NUP62CL: variants seen among roughly 807,000 people sequenced by gnomAD.
The protein encoded by NUP62CL is nucleoporin 62 C-terminal like.
A neutral mutation model predicts 15.3 loss-of-function variants in NUP62CL; 13 were observed. The ratio of observed to expected loss-of-function variants is 0.85; its 90% CI spans 0.55 to 1.35. The LOEUF is 1.35. NUP62CL is among the 40% of genes most tolerant of loss of function. The pLI is 0.00. For missense variants in NUP62CL, 123 were observed against 130.6 expected (o/e 0.94, Z 0.28); for synonymous variants, 54 against 49.2 (o/e 1.10, Z -0.41).
At chrX:107,133,915 G>A (rs963931740) in intron 8 of NUP62CL, among the ~76,000 whole-genome samples, 12 of 111,965 alleles carry the variant, frequency 1.1e-4, no homozygotes, top group Admixed American at 6.6e-4. Flanking sequence ...TCCAACCTGG[G>A]CGACAGAGCG....
In NUP62CL at chrX:107,205,978, G is replaced by A. The variant is rs183521215; in HGVS notation, c.-92+295C>T. 8.9e-3 allele frequency among the ~76,000 whole-genome samples: 983 copies of A among 110,508 alleles called. 5 individuals carry two copies. Among genetic ancestry groups the A allele is most frequent in the Non-Finnish European group, 0.012 (658 of 52,859 alleles). On this transcript the variant is annotated intron_variant, in intron 1 of 8. Coordinates refer to ENST00000372466, the MANE Select transcript of NUP62CL (RefSeq NM_017681.3). Reference sequence around the variant, plus strand: ...GCCCGGAAGCCTTGCCTACAGAGGAGAATAAAAAGCGCGATCCCACCTGCA... The same window carrying A: ...GCCCGGAAGCCTTGCCTACAGAGGAAAATAAAAAGCGCGATCCCACCTGCA...
intron 1 of NUP62CL, among the ~76,000 whole-genome samples, chrX:107,199,482 C>A (rs1004242163): frequency 8.9e-6 from 1 of 112,293 alleles, no homozygotes; most frequent in African/African-American, 3.2e-5. Flanking sequence ...CATTCCCCTA[C>A]ATTTACTTTG....
chrX:107,147,676 C>T, intron 8 of NUP62CL, 67 bp downstream of exon 8: 1 of 673,365 alleles, frequency 1.5e-6, no homozygotes, highest in Non-Finnish European at 2.5e-6. Context: ...ATGGAGCATA[C>T]AACTGACATG....
chrX:107,190,630 G>A (rs1482022880), intron 2 of NUP62CL, among the ~76,000 whole-genome samples: 3 of 111,804 alleles, frequency 2.7e-5, no homozygotes, highest in African/African-American at 6.5e-5. Flanking sequence ...AATCAAGTAA[G>A]AATCTCAAAA....
intron 1 of NUP62CL, among the ~76,000 whole-genome samples, chrX:107,198,985 C>T (rs951327247): frequency 3.6e-5 from 4 of 111,965 alleles, no homozygotes; most frequent in Non-Finnish European, 5.6e-5. Flanking sequence ...AAATTATCTG[C>T]TCTGTGTACT....
intron 2 of NUP62CL, among the ~76,000 whole-genome samples, chrX:107,192,506 A>G (rs1308618148): frequency 1.8e-5 from 2 of 111,350 alleles, no homozygotes; most frequent in Non-Finnish European, 3.8e-5. Flanking sequence ...CAACCTCCTG[A>G]GTAGCTGGGA....
At chrX:107,188,061 G>A (rs1234018318) in intron 2 of NUP62CL, among the ~76,000 whole-genome samples, 1 of 111,581 alleles carries the variant, frequency 9.0e-6, no homozygotes, top group East Asian at 2.8e-4. Flanking sequence ...AATAAAACAG[G>A]AGAACTCATT....
chrX:107,169,362 A>C (rs1641727525), intron 3 of NUP62CL, among the ~76,000 whole-genome samples: 1 of 112,237 alleles, frequency 8.9e-6, no homozygotes, highest in Admixed American at 9.4e-5. Flanking sequence ...ATGTATATGC[A>C]ATGTTTGATT....
chrX:107,182,637 C>G (rs1452719178), intron 2 of NUP62CL, among the ~76,000 whole-genome samples: 1 of 110,675 alleles, frequency 9.0e-6, no homozygotes, highest in Non-Finnish European at 1.9e-5. Flanking sequence ...ATCAACAGAA[C>G]AGAATAGAAA....
At chrX:107,131,088 A>G (rs1466307330) in intron 8 of NUP62CL, among the ~76,000 whole-genome samples, 1 of 111,771 alleles carries the variant, frequency 8.9e-6, no homozygotes, top group Non-Finnish European at 1.9e-5. Flanking sequence ...TTTAGCTAAC[A>G]TAATTGAAAG....
intron 8 of NUP62CL, among the ~76,000 whole-genome samples, chrX:107,133,394 G>A (rs1925566093): frequency 9.0e-6 from 1 of 110,976 alleles, no homozygotes; most frequent in Non-Finnish European, 1.9e-5. Flanking sequence ...GAGTGCAGTA[G>A]CATGACCGCG....
At chrX:107,179,310 A>G (rs1248702105) in intron 2 of NUP62CL, among the ~76,000 whole-genome samples, 1 of 111,214 alleles carries the variant, frequency 9.0e-6, no homozygotes, top group African/African-American at 3.3e-5. Flanking sequence ...TTAAAGTTAC[A>G]TAGATATATT....
intron 1 of NUP62CL, among the ~76,000 whole-genome samples, chrX:107,204,885 TTAAA>T (rs1167247559): frequency 6.4e-5 from 5 of 78,094 alleles, no homozygotes; most frequent in Non-Finnish European, 8.5e-5. Context: ...TAAATAAATT[TTAAA>T]TAAATTATTT....
At chrX:107,158,079 C>G (rs1190797884) in intron 4 of NUP62CL, among the ~76,000 whole-genome samples, 3 of 68,235 alleles carry the variant, frequency 4.4e-5, no homozygotes, top group African/African-American at 1.8e-4. Flanking sequence ...GAGGAGCTAA[C>G]TATCCTAAAT....
chrX:107,163,214 T>C (rs183063495), intron 4 of NUP62CL, among the ~76,000 whole-genome samples: 8 of 111,987 alleles, frequency 7.1e-5, no homozygotes, highest in Admixed American at 5.7e-4. Flanking sequence ...GAGACAACCA[T>C]ACTTAAAAGC....
intron 3 of NUP62CL, 124 bp from the exon 4 acceptor site, chrX:107,167,908 A>C: frequency 1.7e-6 from 1 of 589,591 alleles, no homozygotes; most frequent in African/African-American, 2.3e-5. Context: ...AAAGATGCAG[A>C]TTTGAATTCA....
At chrX:107,147,073 G>T (rs944534356) in intron 8 of NUP62CL, among the ~76,000 whole-genome samples, 3 of 111,719 alleles carry the variant, frequency 2.7e-5, no homozygotes, top group Non-Finnish European at 3.8e-5. Context: ...TAGAAAAGAA[G>T]AGGAAAAATA....
intron 2 of NUP62CL, among the ~76,000 whole-genome samples, chrX:107,191,396 T>C (rs1927238006): frequency 9.2e-6 from 1 of 108,678 alleles, no homozygotes; most frequent in East Asian, 2.9e-4. Context: ...TTCAGAAAAT[T>C]TTGTCTTCTG....
chrX:107,176,482 T>G (rs1007290039), intron 2 of NUP62CL, among the ~76,000 whole-genome samples: 4 of 110,212 alleles, frequency 3.6e-5, no homozygotes, highest in East Asian at 5.7e-4. Context: ...GACAAATTCA[T>G]GGACAGAAAG....
Sources: allele counts gnomAD v4.1 joint callset (sites outside exome capture counted in the v4.1 genomes callset), GRCh38; gene constraint gnomAD v4.1.1; transcripts MANE v1.5; gene names NCBI Gene and HGNC (gene_info 2026-07-23, HGNC 2026-07-21).